RBFOX1: variants seen among roughly 807,000 people sequenced by gnomAD.
The protein encoded by RBFOX1 is RNA binding protein fox-1 homolog 1.
In RBFOX1, 8 loss-of-function variants were observed where a neutral mutation model predicts 57.7. The ratio of observed to expected loss-of-function variants is 0.14; its 90% CI spans 0.08 to 0.25. RBFOX1 has a LOEUF of 0.25. Ranked by LOEUF, RBFOX1 falls within the 10% of genes least tolerant of loss-of-function variation. RBFOX1 has a pLI of 1.00. For missense variants in RBFOX1, 611 were observed against 548.5 expected, an observed-to-expected ratio of 1.11 and a Z score of -1.14; for synonymous variants, 326 against 222.4, an observed-to-expected ratio of 1.47 and a Z score of -4.15.
intron 4 of RBFOX1, among the ~76,000 whole-genome samples, chr16:7,062,002 A>C (rs7191854): frequency 0.46 from 70,461 of 151,854 alleles, 19,076 homozygotes; most frequent in South Asian, 0.66. Context: ...TGATGCAGAC[A>C]AACCTGAGAT....
intron 1 of RBFOX1, among the ~76,000 whole-genome samples, chr16:6,160,020 C>T (rs893145817): frequency 6.6e-6 from 1 of 152,104 alleles, no homozygotes; most frequent in Non-Finnish European, 1.5e-5. Context: ...ATAGAATATA[C>T]CTGTGATTGT....
At chr16:7,219,297 A>G (rs1350497206) in intron 4 of RBFOX1, among the ~76,000 whole-genome samples, 1 of 152,240 alleles carries the variant, frequency 6.6e-6, no homozygotes, top group Non-Finnish European at 1.5e-5. Flanking sequence ...AAGGACTGTA[A>G]GACACAGCAA....
chr16:6,957,398 G>A (rs575440505), intron 3 of RBFOX1, among the ~76,000 whole-genome samples: 1 of 152,032 alleles, frequency 6.6e-6, no homozygotes, highest in South Asian at 2.1e-4. Flanking sequence ...TGCGACTCAC[G>A]CTCAGCCGGT....
intron 1 of RBFOX1, among the ~76,000 whole-genome samples, chr16:6,164,439 C>T (rs1373457872): frequency 6.6e-6 from 1 of 151,278 alleles, no homozygotes; most frequent in African/African-American, 2.4e-5. Context: ...TGATGTTTTC[C>T]ACAGAGTTCT....
At chr16:6,733,724 C>T (rs1017086404) in intron 3 of RBFOX1, among the ~76,000 whole-genome samples, 3 of 152,018 alleles carry the variant, frequency 2.0e-5, no homozygotes, top group Admixed American at 6.6e-5. Context: ...CACCACTGCA[C>T]TCCAGCCCGG....
intron 4 of RBFOX1, among the ~76,000 whole-genome samples, chr16:7,372,533 A>G (rs891418256): frequency 4.6e-5 from 7 of 152,174 alleles, no homozygotes; most frequent in African/African-American, 1.4e-4. Context: ...CTGATTGATT[A>G]GTAGTGGCTG....
At chr16:6,378,448 G>T (rs1356007547) in intron 2 of RBFOX1, among the ~76,000 whole-genome samples, 1 of 152,186 alleles carries the variant, frequency 6.6e-6, no homozygotes, top group Non-Finnish European at 1.5e-5. Context: ...TGTTGAGCAG[G>T]GTTGCAATTG....
intron 4 of RBFOX1, among the ~76,000 whole-genome samples, chr16:7,467,849 A>G (rs1247685613): frequency 6.6e-6 from 1 of 152,196 alleles, no homozygotes; most frequent in Non-Finnish European, 1.5e-5. Context: ...TGAGAGCTCA[A>G]TCTATAGCCA....
chr16:5,424,045 C>A (rs912483656), intron 1 of RBFOX1, among the ~76,000 whole-genome samples: 2 of 152,214 alleles, frequency 1.3e-5, no homozygotes, highest in African/African-American at 2.4e-5. Context: ...GTCCTAGGGA[C>A]CCCTCGTGTT....
chr16:6,908,415 G>T (rs1306968885), intron 3 of RBFOX1, among the ~76,000 whole-genome samples: 1 of 152,052 alleles, frequency 6.6e-6, no homozygotes, highest in Non-Finnish European at 1.5e-5. Context: ...AGGAACCTTT[G>T]ACTTTTCCAC....
At chr16:5,612,448 A>T (rs1455213589) in intron 3 of RBFOX1, among the ~76,000 whole-genome samples, 1 of 149,230 alleles carries the variant, frequency 6.7e-6, no homozygotes, top group African/African-American at 2.4e-5. Flanking sequence ...CTGTGGGTCT[A>T]CAGTTTAGTG....
At chr16:7,195,246 C>G (rs879789176) in intron 4 of RBFOX1, among the ~76,000 whole-genome samples, 1 of 152,112 alleles carries the variant, frequency 6.6e-6, no homozygotes, top group Non-Finnish European at 1.5e-5. Context: ...GTGATAATGT[C>G]TCTGGCTGAG....
intron 2 of RBFOX1, among the ~76,000 whole-genome samples, chr16:6,403,895 G>T (rs1264222995): frequency 6.6e-6 from 1 of 152,126 alleles, no homozygotes; most frequent in Non-Finnish European, 1.5e-5. Context: ...TGATTCAATA[G>T]GACTGGTGGC....
At chr16:5,272,795 G>A (rs1370696064) in intron 1 of RBFOX1, among the ~76,000 whole-genome samples, 2 of 152,040 alleles carry the variant, frequency 1.3e-5, no homozygotes, top group East Asian at 3.9e-4. Flanking sequence ...TGGGAATTCT[G>A]AGCCCTGGTT....
intron 1 of RBFOX1, among the ~76,000 whole-genome samples, chr16:5,386,607 C>T (rs992183886): frequency 1.3e-5 from 2 of 152,138 alleles, no homozygotes; most frequent in African/African-American, 4.8e-5. Flanking sequence ...GTGACCTTAC[C>T]CTTGTCCTGG....
intron 14 of RBFOX1, 100 bp downstream of exon 14, chr16:7,676,938 TG>T: frequency 8.0e-7 from 1 of 1,243,094 alleles, no homozygotes; most frequent in Non-Finnish European, 1.2e-6. Context: ...GCATGACTGC[TG>T]GGGGAGGTAG....
intron 1 of RBFOX1, among the ~76,000 whole-genome samples, chr16:5,334,091 A>G (rs1269401159): frequency 6.6e-6 from 1 of 152,134 alleles, no homozygotes; most frequent in Admixed American, 6.5e-5. Context: ...GACTAAGAGT[A>G]TTTAAGGGTT....
At chr16:7,275,244 G>C (rs76479216) in intron 4 of RBFOX1, among the ~76,000 whole-genome samples, 3 of 152,184 alleles carry the variant, frequency 2.0e-5, no homozygotes, top group Non-Finnish European at 4.4e-5. Flanking sequence ...AAATAGCATT[G>C]TGCCATTGCT....
At chr16:6,574,242 G>C (rs1374767856) in intron 2 of RBFOX1, among the ~76,000 whole-genome samples, 1 of 151,846 alleles carries the variant, frequency 6.6e-6, no homozygotes, top group Non-Finnish European at 1.5e-5. Context: ...TCCAGCATAC[G>C]GCTTAACTGA....
Sources: gnomAD v4.1 joint callset for allele counts (sites outside exome capture counted in the v4.1 genomes callset) on GRCh38, gnomAD v4.1.1 for gene constraint, MANE v1.5 for transcripts, NCBI Gene and HGNC (gene_info 2026-07-23, HGNC 2026-07-21) for gene names.